EPAS1: variants seen among roughly 807,000 people sequenced by gnomAD.
The protein encoded by EPAS1 is endothelial PAS domain-containing protein 1.
A neutral mutation model predicts 87.9 loss-of-function variants in EPAS1; 23 were observed. The ratio of observed to expected loss-of-function variants is 0.26; its 90% CI spans 0.19 to 0.37. The LOEUF (loss-of-function observed/expected upper bound fraction) is 0.37, where lower values mean the gene tolerates loss of function less well. Among genes scored for constraint, EPAS1 ranks in the 10% least tolerant of loss-of-function variants. The pLI, the probability that EPAS1 is intolerant of heterozygous loss-of-function variation, is 1.00. For missense variants in EPAS1, 1,138 were observed against 1,120.7 expected (o/e 1.02, Z -0.22); for synonymous variants, 508 against 444.3 (o/e 1.14, Z -1.80).
At chr2:46,303,804 A>G (rs1442779128) in intron 1 of EPAS1, among the ~76,000 whole-genome samples, 3 of 152,204 alleles carry the variant, frequency 2.0e-5, no homozygotes, top group Admixed American at 2.0e-4. Flanking sequence ...CTTATGTTTC[A>G]GAGTCTTCCT....
intron 1 of EPAS1, among the ~76,000 whole-genome samples, chr2:46,337,748 G>A (rs1482354893): frequency 6.6e-6 from 1 of 152,170 alleles, no homozygotes; most frequent in Non-Finnish European, 1.5e-5. Context: ...AACAGCCTGG[G>A]TGTGGGGAAA....
chr2:46,379,344 C>T (rs1340454745), intron 11 of EPAS1, among the ~76,000 whole-genome samples: 1 of 152,026 alleles, frequency 6.6e-6, no homozygotes, highest in Non-Finnish European at 1.5e-5. Flanking sequence ...CATTAATCCC[C>T]CATTTGTCTT....
At position 46,297,830 on chromosome 2, in the gene EPAS1, G is replaced by A; in HGVS notation, c.-82G>A. 6.4e-7 allele frequency: 1 copy of A among 1,557,364 alleles called. No homozygotes were observed. The highest frequency in any genetic ancestry group is 8.7e-7 in the Non-Finnish European group (1 of 1,149,370). The stretch of plus-strand genomic sequence containing the variant: ...CTTCACCACCCGCCCGGGCCGCGGG[G>A]AGCGGACGAGGGCCACAGCCCCCCA... On this transcript the variant is annotated 5_prime_UTR_variant, in exon 1 of 16. Transcript: ENST00000263734.
chr2:46,354,927 C>T (rs961621854), intron 2 of EPAS1, among the ~76,000 whole-genome samples: 2 of 152,142 alleles, frequency 1.3e-5, no homozygotes, highest in African/African-American at 4.8e-5. Context: ...CACACAATCC[C>T]GTCTGGTTCA....
chr2:46,337,743 C>T (rs1003629717), intron 1 of EPAS1, among the ~76,000 whole-genome samples: 22 of 152,166 alleles, frequency 1.4e-4, no homozygotes. Flanking sequence ...CTGGTAACAG[C>T]CTGGGTGTGG....
Position 46,380,474 on chromosome 2 carries a change from A to G in EPAS1, c.1802A>G (p.His601Arg). Residue 601 changes from histidine to arginine, a missense_variant, in exon 12 of 16, where the codon CAC (histidine) becomes CGC (arginine). Transcript: ENST00000263734. The surrounding 1 kb of genome is among the most constrained non-coding windows in gnomAD (Gnocchi z 4.4). ...GAGAGCAAGAAGACAGAGCCCGAGCACCGGCCCATGTCCTCCATCTTCTTT... is the reference window on the plus strand; with the variant it reads ...GAGAGCAAGAAGACAGAGCCCGAGCGCCGGCCCATGTCCTCCATCTTCTTT... ...QLESKKTEPE[H>R]RPMSSIFFDA... 6.2e-7 allele frequency: 1 copy of G among 1,614,100 alleles called. No individual in the cohort carries two copies. Among genetic ancestry groups the G allele is most frequent in the Non-Finnish European group, 8.5e-7 (1 of 1,180,018 alleles).
intron 1 of EPAS1, among the ~76,000 whole-genome samples, chr2:46,344,108 G>A (rs549017371): frequency 1.3e-5 from 2 of 152,336 alleles, no homozygotes; most frequent in African/African-American, 4.8e-5. Flanking sequence ...TCTAAACTGT[G>A]TAAACAATAC....
chr2:46,377,630 G>C (rs1203288715), intron 9 of EPAS1, among the ~76,000 whole-genome samples: 1 of 152,182 alleles, frequency 6.6e-6, no homozygotes, highest in Non-Finnish European at 1.5e-5. Context: ...TGTTCCTCAG[G>C]GAAGAGTGGC....
chr2:46,381,819 T>C (rs962940200), intron 13 of EPAS1, 97 bp downstream of exon 13: 25 of 1,573,640 alleles, frequency 1.6e-5, no homozygotes, highest in African/African-American at 4.1e-5. Flanking sequence ...CAAGCCAGCA[T>C]AGCCCTTAGG....
At chr2:46,309,720 C>T (rs1346206560) in intron 1 of EPAS1, among the ~76,000 whole-genome samples, 1 of 152,202 alleles carries the variant, frequency 6.6e-6, no homozygotes, top group African/African-American at 2.4e-5. Context: ...GAGCCAGTTC[C>T]TTCCAGGGCT....
At chr2:46,373,088 G>A (rs1254117673) in intron 7 of EPAS1, among the ~76,000 whole-genome samples, 2 of 152,166 alleles carry the variant, frequency 1.3e-5, no homozygotes, top group Middle Eastern at 3.2e-3. Context: ...TGTCACTATT[G>A]TCTTGTAAGC....
In EPAS1 at chr2:46,346,854, C is replaced by A. The variant is rs764981815; in HGVS notation, c.27-19C>A. ...CTGACAGTAACCTTTCCGGGACTAA[C>A]CCCTTCTTCTCCACTTAGGAGTAGC... On this transcript the variant is annotated intron_variant, in intron 1 of 15. Coordinates refer to ENST00000263734, the MANE Select transcript of EPAS1 (RefSeq NM_001430.5). The surrounding 1 kb of genome is among the most constrained non-coding windows in gnomAD (Gnocchi z 4.0). The A allele has an allele frequency of 1.2e-6, 2 of 1,613,888 alleles. No homozygotes were observed. The highest frequency in any genetic ancestry group is 1.7e-5 in the Admixed American group (1 of 59,996).
intron 1 of EPAS1, among the ~76,000 whole-genome samples, chr2:46,325,543 G>A (rs1683546858): frequency 6.6e-6 from 1 of 152,144 alleles, no homozygotes; most frequent in Admixed American, 6.5e-5. Flanking sequence ...GAATCCAGGC[G>A]GGATAAGATC....
At chr2:46,343,240 C>T (rs546355250) in intron 1 of EPAS1, among the ~76,000 whole-genome samples, 2 of 152,170 alleles carry the variant, frequency 1.3e-5, no homozygotes, top group East Asian at 1.9e-4. Context: ...CTTAGTCCTA[C>T]TCTTAACATT....
At chr2:46,315,990 G>A (rs1014641895) in intron 1 of EPAS1, among the ~76,000 whole-genome samples, 7 of 152,130 alleles carry the variant, frequency 4.6e-5, no homozygotes, top group African/African-American at 1.7e-4. Context: ...AAGAAGGCAT[G>A]GAGATAAAAA....
At position 46,382,444 on chromosome 2, in the gene EPAS1, C is replaced by T. The variant is rs774488903; in HGVS notation, c.2307C>T (p.Pro769=). 6.2e-7 allele frequency: 1 copy of T among 1,614,116 alleles called. No homozygotes were observed. Among genetic ancestry groups the T allele is most frequent in the Non-Finnish European group, 8.5e-7 (1 of 1,180,026 alleles). The change falls in exon 15 of 16, where the codon CCC becomes CCT. Residue 769 remains proline, a synonymous_variant. Coordinates refer to ENST00000263734, the MANE Select transcript of EPAS1 (RefSeq NM_001430.5). ...TTTCAGATAAGTTCACCCAAAACCC[C>T]ATGAGGGGCCTGGGCCATCCCCTGA... ...NVPNDKFTQN[P]MRGLGHPLRH... is the part of the protein sequence containing the mutation.
chr2:46,320,087 C>T (rs901439661), intron 1 of EPAS1, among the ~76,000 whole-genome samples: 4 of 152,212 alleles, frequency 2.6e-5, no homozygotes, highest in Non-Finnish European at 5.9e-5. Flanking sequence ...TCAATTTATT[C>T]ACCCTGGACT....
At chr2:46,330,652 A>G (rs1683656454) in intron 1 of EPAS1, among the ~76,000 whole-genome samples, 2 of 152,234 alleles carry the variant, frequency 1.3e-5, no homozygotes. Context: ...AGCACAAGGA[A>G]TGCAAAAATA....
At chr2:46,328,638 C>A (rs6731698) in intron 1 of EPAS1, among the ~76,000 whole-genome samples, 2,964 of 152,316 alleles carry the variant, frequency 0.019, 107 homozygotes, top group African/African-American at 0.068. Flanking sequence ...ATAAATGTCA[C>A]TACACTTTAT....
Sources: gnomAD v4.1 joint callset for allele counts (sites outside exome capture counted in the v4.1 genomes callset) on GRCh38, gnomAD v4.1.1 for gene constraint, Gnocchi (gnomAD v3.1) non-coding constraint, MANE v1.5 for transcripts, NCBI Gene and HGNC (gene_info 2026-07-23, HGNC 2026-07-21) for gene names.